ZNF407: variants seen among roughly 807,000 people sequenced by gnomAD.
The protein encoded by ZNF407 is zinc finger protein 407.
Under a neutral mutation model 131.2 loss-of-function variants are expected in ZNF407, and 17 were observed. The ratio of observed to expected loss-of-function variants is 0.13; its 90% confidence interval spans 0.09 to 0.19. The LOEUF is 0.19. Among genes scored for constraint, ZNF407 ranks in the 10% least tolerant of loss-of-function variants. ZNF407 has a pLI of 1.00. For synonymous variants in ZNF407, 1,156 were observed against 1,062.0 expected, an observed-to-expected ratio of 1.09 and a Z score of -1.72; for missense variants, 2,681 against 2,830.6, an observed-to-expected ratio of 0.95 and a Z score of 1.20.
chr18:74,975,742 T>C (rs1972521026), intron 8 of ZNF407, among the ~76,000 whole-genome samples: 1 of 152,198 alleles, frequency 6.6e-6, no homozygotes, highest in African/African-American at 2.4e-5. Context: ...CATTTCAACC[T>C]GCAAAAGGGG....
intron 3 of ZNF407, among the ~76,000 whole-genome samples, chr18:74,749,252 C>T (rs1968742272): frequency 6.6e-6 from 1 of 152,138 alleles, no homozygotes; most frequent in Admixed American, 6.6e-5. Context: ...GTACAGGTCT[C>T]CTCTCTGCTG....
At position 74,786,809 on chromosome 18, in the gene ZNF407, T is replaced by G. The variant is rs909603530; in HGVS notation, c.4877+5307T>G. On this transcript the variant is annotated intron_variant, in intron 4 of 8. Coordinates refer to ENST00000299687, the MANE Select transcript of ZNF407 (RefSeq NM_017757.3). ...AAAAAGTATGTTTTTTTTTTTTTTT[T>G]TTTTTTTTTTTTGGAGATGGAGTTT... Among the ~76,000 whole-genome samples the G allele has an allele frequency of 8.4e-4, 115 of 137,070 alleles. 6 individuals carry two copies. The highest frequency in any genetic ancestry group is 4.4e-3 in the Admixed American group (59 of 13,530). 89.9% of individuals were successfully genotyped at this position (137,070 alleles called of 152,430 possible).
intron 7 of ZNF407, among the ~76,000 whole-genome samples, chr18:74,917,891 C>T (rs1971794080): frequency 6.6e-6 from 1 of 152,112 alleles, no homozygotes; most frequent in African/African-American, 2.4e-5. Flanking sequence ...ATAAACAGTA[C>T]TAATTAAGTA....
intron 8 of ZNF407, among the ~76,000 whole-genome samples, chr18:75,022,399 C>T (rs1051532060): frequency 6.6e-6 from 1 of 152,170 alleles, no homozygotes; most frequent in Admixed American, 6.5e-5. Flanking sequence ...GACTGTCATT[C>T]ACCTGTGAGT....
intron 8 of ZNF407, among the ~76,000 whole-genome samples, chr18:74,992,330 G>C (rs956474050): frequency 6.6e-6 from 1 of 152,218 alleles, no homozygotes; most frequent in Non-Finnish European, 1.5e-5. Flanking sequence ...GGCCCTGGGT[G>C]GGGAGGAGAC....
chr18:75,047,464 C>A (rs1322082450), intron 8 of ZNF407, among the ~76,000 whole-genome samples: 4 of 152,186 alleles, frequency 2.6e-5, no homozygotes. Context: ...CTGCCAGCAC[C>A]CTGGCCCAGC....
chr18:74,835,874 C>G (rs535270373), intron 4 of ZNF407, among the ~76,000 whole-genome samples: 1 of 152,158 alleles, frequency 6.6e-6, no homozygotes, highest in South Asian at 2.1e-4. Flanking sequence ...GAGATCAGCT[C>G]ACAGGTACGG....
intron 8 of ZNF407, among the ~76,000 whole-genome samples, chr18:75,049,130 A>G (rs1973470314): frequency 6.6e-6 from 1 of 150,856 alleles, no homozygotes; most frequent in South Asian, 2.1e-4. Context: ...GTTGTTCGTC[A>G]TGATCTCACT....
chr18:75,006,355 G>A (rs1285988868), intron 8 of ZNF407, among the ~76,000 whole-genome samples: 1 of 151,904 alleles, frequency 6.6e-6, no homozygotes, highest in Non-Finnish European at 1.5e-5. Flanking sequence ...TCTAACTTAA[G>A]TTGAATGCTT....
At chr18:74,995,416 T>C (rs1202411067) in intron 8 of ZNF407, among the ~76,000 whole-genome samples, 7 of 152,150 alleles carry the variant, frequency 4.6e-5, no homozygotes, top group Admixed American at 4.6e-4. Flanking sequence ...TGGGTTGCAG[T>C]GTGGGTGGAC....
chr18:74,814,368 T>G (rs1386603839), intron 4 of ZNF407, among the ~76,000 whole-genome samples: 1 of 152,148 alleles, frequency 6.6e-6, no homozygotes, highest in Non-Finnish European at 1.5e-5. Flanking sequence ...CTAATGATCC[T>G]CCTGCCTCAG....
chr18:74,852,962 G>T lies in ZNF407; in HGVS notation c.4878-24235G>T, dbSNP rs116922418. On this transcript the variant is annotated intron_variant, in intron 4 of 8. Coordinates refer to ENST00000299687, the MANE Select transcript of ZNF407 (RefSeq NM_017757.3). Reference sequence around the variant, plus strand: ...TTCATAGTCAACTGGTTCTTTAATGGATTAGTCAAATTAATTAATATCACA... The same window carrying T: ...TTCATAGTCAACTGGTTCTTTAATGTATTAGTCAAATTAATTAATATCACA... 9.2e-3 allele frequency among the ~76,000 whole-genome samples: 1,400 copies of T among 152,180 alleles called. 10 individuals carry two copies. Among genetic ancestry groups the T allele is most frequent in the Middle Eastern group, 0.027 (8 of 294 alleles).
intron 4 of ZNF407, among the ~76,000 whole-genome samples, chr18:74,843,204 T>G (rs1450211836): frequency 1.3e-5 from 2 of 152,222 alleles, no homozygotes; most frequent in African/African-American, 4.8e-5. Flanking sequence ...TTTCTCTTAA[T>G]TACTACTTTT....
chr18:74,982,846 A>G (rs746411296), intron 8 of ZNF407, among the ~76,000 whole-genome samples: 2 of 152,252 alleles, frequency 1.3e-5, no homozygotes, highest in African/African-American at 2.4e-5. Context: ...TCTATTCAGT[A>G]GCATTTTTAA....
intron 3 of ZNF407, among the ~76,000 whole-genome samples, chr18:74,743,490 TGA>T (rs1406394726): frequency 2.0e-5 from 3 of 152,192 alleles, no homozygotes; most frequent in Admixed American, 6.6e-5. Context: ...TAGGAGATTC[TGA>T]GAGTTTTAAA....
intron 3 of ZNF407, among the ~76,000 whole-genome samples, chr18:74,778,627 T>C (rs1436340242): frequency 6.6e-6 from 1 of 152,126 alleles, no homozygotes; most frequent in Non-Finnish European, 1.5e-5. Flanking sequence ...TTAATAAATA[T>C]GTAAATTAAA....
intron 3 of ZNF407, among the ~76,000 whole-genome samples, chr18:74,774,329 A>G (rs1466397594): frequency 6.6e-6 from 1 of 152,184 alleles, no homozygotes; most frequent in Non-Finnish European, 1.5e-5. Flanking sequence ...AGATTCATTA[A>G]TGGGTGCCTA....
chr18:74,839,846 C>T (rs979767606), intron 4 of ZNF407, among the ~76,000 whole-genome samples: 1 of 152,134 alleles, frequency 6.6e-6, no homozygotes, highest in Non-Finnish European at 1.5e-5. Flanking sequence ...GGAATGACAT[C>T]AGTCATAGTG....
At position 74,788,327 on chromosome 18, in the gene ZNF407, G is replaced by A. The variant is rs114970583; in HGVS notation, c.4877+6825G>A. Among the ~76,000 whole-genome samples, 1,399 of 152,182 alleles carry A rather than the reference G, an allele frequency of 9.2e-3. 25 individuals are homozygous for A. Among genetic ancestry groups the A allele is most frequent in the African/African-American group, 0.031 (1,285 of 41,506 alleles). On this transcript the variant is annotated intron_variant, in intron 4 of 8. Coordinates refer to ENST00000299687, the MANE Select transcript of ZNF407 (RefSeq NM_017757.3). ...TATCTTTAGCCATTTGGTTTTGGGG[G>A]CGTTGTATTGAGCATTGTGCATCCC...
Sources: allele counts gnomAD v4.1 joint callset (sites outside exome capture counted in the v4.1 genomes callset), GRCh38; gene constraint gnomAD v4.1.1; transcripts MANE v1.5; gene names NCBI Gene and HGNC (gene_info 2026-07-23, HGNC 2026-07-21).